The following CSMD1 variants were observed in gnomAD, a reference collection of about 807,000 sequenced individuals.
The protein encoded by CSMD1 is CUB and Sushi multiple domains 1.
CSMD1 carries 213 observed loss-of-function variants against 417.5 expected under a neutral mutation model. That is an observed-to-expected ratio of 0.51 (90% CI 0.46 to 0.57). CSMD1 has a LOEUF of 0.57. Ranked by LOEUF, CSMD1 falls within the 20% of genes least tolerant of loss-of-function variation. The pLI is 0.00. For synonymous variants in CSMD1, 2,862 were observed against 1,736.8 expected (o/e 1.65, Z -16.11); for missense variants, 6,923 against 4,529.7 (o/e 1.53, Z -15.17).
intron 17 of CSMD1, among the ~76,000 whole-genome samples, chr8:3,392,759 A>T (rs925808828): frequency 9.9e-5 from 15 of 152,136 alleles, no homozygotes; most frequent in African/African-American, 3.6e-4. Flanking sequence ...TTAGTGCACT[A>T]TGATGTTTGA....
intron 21 of CSMD1, among the ~76,000 whole-genome samples, chr8:3,354,004 T>G (rs373393739): frequency 1.2e-4 from 18 of 152,308 alleles, no homozygotes; most frequent in African/African-American, 4.3e-4. Context: ...CAGAGTGGCC[T>G]CAACAACAGA....
chr8:3,262,740 G>A (rs1478788344), intron 26 of CSMD1, among the ~76,000 whole-genome samples: 1 of 152,042 alleles, frequency 6.6e-6, no homozygotes, highest in African/African-American at 2.4e-5. Flanking sequence ...AGTGGAAAAT[G>A]TCCTTTAATA....
Position 4,376,854 on chromosome 8 carries a change from C to T in CSMD1, c.415+43099G>A, listed in dbSNP as rs1484067702. 3.3e-5 allele frequency among the ~76,000 whole-genome samples: 5 copies of T among 152,190 alleles called. No individual in the cohort carries two copies. The East Asian group carries it at 9.6e-4, about 29-fold the overall frequency. On this transcript the variant is annotated intron_variant, in intron 3 of 69. Transcript: ENST00000635120. ...GATTTTGTCTTATTTGTAAGTGCTT[C>T]TCTGTTATGCATTTTTACAGGTATT...
intron 3 of CSMD1, among the ~76,000 whole-genome samples, chr8:4,357,899 G>T (rs1409997238): frequency 6.6e-6 from 1 of 152,000 alleles, no homozygotes; most frequent in Admixed American, 6.6e-5. Context: ...TATAATTGTA[G>T]TATTTATAAA....
At chr8:3,453,044 G>A (rs754626260) in intron 12 of CSMD1, among the ~76,000 whole-genome samples, 1 of 152,128 alleles carries the variant, frequency 6.6e-6, no homozygotes, top group Non-Finnish European at 1.5e-5. Context: ...GTTTAGTCTT[G>A]GGAGAGTGTA....
At chr8:4,335,804 T>C (rs80196822) in intron 3 of CSMD1, among the ~76,000 whole-genome samples, 2,621 of 151,960 alleles carry the variant, frequency 0.017, 74 homozygotes, top group African/African-American at 0.06. Flanking sequence ...TGTGATCCCA[T>C]GGAAGATACA....
intron 52 of CSMD1, among the ~76,000 whole-genome samples, chr8:3,018,154 A>G (rs914415349): frequency 1.3e-5 from 2 of 152,270 alleles, no homozygotes; most frequent in African/African-American, 4.8e-5. Flanking sequence ...TAAAATTTTT[A>G]AAAACATAAA....
chr8:4,627,418 AC>A (rs767127257), intron 2 of CSMD1, among the ~76,000 whole-genome samples: 1 of 152,164 alleles, frequency 6.6e-6, no homozygotes, highest in Non-Finnish European at 1.5e-5. Context: ...ATTTCAACAA[AC>A]TACTTCTGTG....
chr8:4,794,546 C>T (rs138129810), intron 1 of CSMD1, among the ~76,000 whole-genome samples: 4 of 152,118 alleles, frequency 2.6e-5, no homozygotes, highest in African/African-American at 4.8e-5. Flanking sequence ...CTCCCTCCCC[C>T]ACGTCCACCT....
intron 3 of CSMD1, among the ~76,000 whole-genome samples, chr8:4,353,563 C>T (rs184323073): frequency 1.1e-4 from 16 of 151,824 alleles, no homozygotes; most frequent in Non-Finnish European, 2.2e-4. Context: ...TACTAGATCA[C>T]GAATAAAGCC....
At chr8:3,634,344 C>T (rs1436395608) in intron 7 of CSMD1, among the ~76,000 whole-genome samples, 1 of 152,188 alleles carries the variant, frequency 6.6e-6, no homozygotes. Flanking sequence ...CTGTGTGACA[C>T]TCTGTGACAA....
intron 3 of CSMD1, among the ~76,000 whole-genome samples, chr8:4,215,116 C>A (rs1355518306): frequency 6.6e-6 from 1 of 152,154 alleles, no homozygotes; most frequent in Admixed American, 6.5e-5. Context: ...GAATAGGTCT[C>A]AGTTCTCAGG....
intron 49 of CSMD1, among the ~76,000 whole-genome samples, chr8:3,064,953 CTT>C (rs1261915514): frequency 6.6e-6 from 1 of 151,912 alleles, no homozygotes; most frequent in African/African-American, 2.4e-5. Flanking sequence ...GAGAACAAAA[CTT>C]TGAAAACGAG....
chr8:4,902,240 T>A (rs1281017281), intron 1 of CSMD1, among the ~76,000 whole-genome samples: 1 of 150,550 alleles, frequency 6.6e-6, no homozygotes, highest in East Asian at 2.0e-4. Flanking sequence ...CAAGACTCCA[T>A]CCATTAAAAA....
chr8:3,121,691 A>C (rs1244611165), intron 41 of CSMD1, among the ~76,000 whole-genome samples: 7 of 152,130 alleles, frequency 4.6e-5, no homozygotes, highest in African/African-American at 1.7e-4. Flanking sequence ...CCCAGTTACT[A>C]GGGAGGCTGG....
chr8:3,324,929 C>G (rs1806427333), intron 23 of CSMD1, among the ~76,000 whole-genome samples: 1 of 151,510 alleles, frequency 6.6e-6, no homozygotes, highest in South Asian at 2.1e-4. Flanking sequence ...ATTTAATTGA[C>G]AGGATTATTT....
intron 3 of CSMD1, among the ~76,000 whole-genome samples, chr8:4,202,107 GT>G (rs892311644): frequency 1.0e-3 from 155 of 151,094 alleles, no homozygotes; most frequent in African/African-American, 3.0e-3. Context: ...TTTTTTGTTA[GT>G]TTTTTTTTCT....
intron 5 of CSMD1, among the ~76,000 whole-genome samples, chr8:3,889,470 T>TATAA (rs2129126303): frequency 9.6e-6 from 1 of 104,092 alleles, no homozygotes; most frequent in African/African-American, 3.5e-5. Context: ...TATATATATA[T>TATAA]ATATATATAT....
chr8:4,548,544 C>G (rs1313171398), intron 2 of CSMD1, among the ~76,000 whole-genome samples: 1 of 152,240 alleles, frequency 6.6e-6, no homozygotes, highest in South Asian at 2.1e-4. Context: ...TTTCATGTCA[C>G]ACTGAATTCA....
Sources: gnomAD v4.1 joint callset for allele counts (sites outside exome capture counted in the v4.1 genomes callset) on GRCh38, gnomAD v4.1.1 for gene constraint, MANE v1.5 for transcripts, NCBI Gene and HGNC (gene_info 2026-07-23, HGNC 2026-07-21) for gene names.